Variants in TMEM108 observed in about 807,000 individuals in gnomAD.
TMEM108 encodes the protein cancer/testis antigen 124.
Under a neutral mutation model 35.1 loss-of-function variants are expected in TMEM108, and 12 were observed. That is an observed-to-expected ratio of 0.34 (90% CI 0.22 to 0.55). The LOEUF (loss-of-function observed/expected upper bound fraction) is 0.55. Ranked by LOEUF, TMEM108 falls within the 20% of genes least tolerant of loss-of-function variation. The pLI is 0.89. For synonymous variants in TMEM108, 287 were observed against 308.6 expected (o/e 0.93, Z 0.73); for missense variants, 680 against 753.3 (o/e 0.90, Z 1.14).
rs762224443 is a variant in TMEM108, at chr3:133,380,170, C to T, written c.459C>T (p.Pro153=). 6 of 1,612,698 alleles carry T rather than the reference C, an allele frequency of 3.7e-6. No individual in the cohort carries two copies. The East Asian group carries it at 1.3e-4, about 36-fold the overall frequency. Residue 153 remains proline (P), a synonymous_variant, in exon 4 of 6, where the codon CCC becomes CCT. Transcript: ENST00000321871. This position sits in a 1 kb window ranked among gnomAD's most constrained non-coding sequence, Gnocchi z 5.3. Reference sequence around the variant, plus strand: ...AGCCACCGGGGGCCACCAGCCGCCCCACCACAGCGCCCCCCCGCACTACCA... The same window carrying T: ...AGCCACCGGGGGCCACCAGCCGCCCTACCACAGCGCCCCCCCGCACTACCA... ...LTKPPGATSR[P]TTAPPRTTTR...
At chr3:133,312,278 G>A (rs2071139828) in intron 3 of TMEM108, among the ~76,000 whole-genome samples, 1 of 152,238 alleles carries the variant, frequency 6.6e-6, no homozygotes, top group African/African-American at 2.4e-5. Context: ...CTGTCAGACA[G>A]GGATGTTTAA....
intron 3 of TMEM108, among the ~76,000 whole-genome samples, chr3:133,307,844 C>G (rs1218012254): frequency 6.6e-6 from 1 of 151,892 alleles, no homozygotes; most frequent in Non-Finnish European, 1.5e-5. Context: ...TCTTGGCGGG[C>G]CCTTTTTTGG....
chr3:133,396,732 C>T lies in TMEM108; in HGVS notation c.*746C>T, dbSNP rs1297149551. The T allele has an allele frequency of 6.6e-6, 1 of 152,204 alleles. No individual in the cohort carries two copies. Among genetic ancestry groups the T allele is most frequent in the Non-Finnish European group, 1.5e-5 (1 of 68,040 alleles). The allele number at this position is 152,204 out of a possible 1,614,324, so 9.4% of individuals were successfully genotyped here. Reference sequence around the variant, plus strand: ...CCTGTATCCCCTCCAACACCCACATCTGCATTAAACACCCGTGCCTTTCTC... The same window carrying T: ...CCTGTATCCCCTCCAACACCCACATTTGCATTAAACACCCGTGCCTTTCTC... On this transcript the variant is annotated 3_prime_UTR_variant, in exon 6 of 6. Coordinates refer to ENST00000321871, the MANE Select transcript of TMEM108 (RefSeq NM_023943.4).
At chr3:133,384,234 C>G (rs964480300) in intron 4 of TMEM108, among the ~76,000 whole-genome samples, 1 of 152,204 alleles carries the variant, frequency 6.6e-6, no homozygotes. Context: ...TTCAGGCACT[C>G]TGAGTCAGGA....
chr3:133,256,178 T>C (rs552246071), intron 3 of TMEM108, among the ~76,000 whole-genome samples: 1 of 152,306 alleles, frequency 6.6e-6, no homozygotes, highest in African/African-American at 2.4e-5. Flanking sequence ...AATAATATCT[T>C]TAAAATGCTG....
chr3:133,179,504 T>G (rs1945295712), intron 2 of TMEM108, among the ~76,000 whole-genome samples: 1 of 152,174 alleles, frequency 6.6e-6, no homozygotes, highest in African/African-American at 2.4e-5. Context: ...ATGTCCTTTG[T>G]AGGGACATGG....
intron 2 of TMEM108, among the ~76,000 whole-genome samples, chr3:133,141,236 G>A (rs1944636888): frequency 6.6e-6 from 1 of 152,170 alleles, no homozygotes; most frequent in African/African-American, 2.4e-5. Flanking sequence ...GGTTGAAGCA[G>A]GCCCACAGCT....
chr3:133,214,030 A>G (rs1331320799), intron 2 of TMEM108, among the ~76,000 whole-genome samples: 2 of 152,182 alleles, frequency 1.3e-5, no homozygotes, highest in African/African-American at 2.4e-5. Context: ...GGGAATCACA[A>G]TTAACAGAGA....
At chr3:133,388,689 AACCTTGTACAGAG>A in intron 4 of TMEM108, 1 of 985,458 alleles carries the variant, frequency 1.0e-6, no homozygotes, top group Non-Finnish European at 1.2e-6. Flanking sequence ...CCTATCTCCT[AACCTTGTACAGAG>A]ACCTTTCCAG....
At chr3:133,122,325 T>TA (rs1248359784) in intron 2 of TMEM108, among the ~76,000 whole-genome samples, 2 of 152,204 alleles carry the variant, frequency 1.3e-5, no homozygotes, top group African/African-American at 4.8e-5. Context: ...TACTAATGTC[T>TA]AACACATTTA....
At chr3:133,181,697 G>A (rs1057364105) in intron 2 of TMEM108, among the ~76,000 whole-genome samples, 2 of 152,000 alleles carry the variant, frequency 1.3e-5, no homozygotes, top group African/African-American at 4.8e-5. Context: ...TAAAATTTTA[G>A]CAGACGAGAT....
At chr3:133,224,790 A>G (rs996385365) in intron 2 of TMEM108, among the ~76,000 whole-genome samples, 5 of 152,150 alleles carry the variant, frequency 3.3e-5, no homozygotes, top group Non-Finnish European at 5.9e-5. Context: ...AGACTAATAC[A>G]TATATAGTGT....
At chr3:133,273,696 C>G (rs1251630578) in intron 3 of TMEM108, among the ~76,000 whole-genome samples, 1 of 152,164 alleles carries the variant, frequency 6.6e-6, no homozygotes, top group African/African-American at 2.4e-5. Flanking sequence ...CTCATTAAAT[C>G]AGTTAAATTA....
intron 2 of TMEM108, among the ~76,000 whole-genome samples, chr3:133,144,836 G>A (rs1944693439): frequency 6.6e-6 from 1 of 152,038 alleles, no homozygotes; most frequent in South Asian, 2.1e-4. Flanking sequence ...CTGTAAATTT[G>A]TTTAAGTTCC....
intron 3 of TMEM108, among the ~76,000 whole-genome samples, chr3:133,372,046 G>A (rs1241744351): frequency 2.6e-5 from 4 of 152,210 alleles, no homozygotes; most frequent in Non-Finnish European, 5.9e-5. Context: ...AGTTCTAGGT[G>A]AGAAATGTTT....
chr3:133,167,386 G>A (rs375022088), intron 2 of TMEM108, among the ~76,000 whole-genome samples: 34 of 152,368 alleles, frequency 2.2e-4, no homozygotes, highest in African/African-American at 6.5e-4. Flanking sequence ...TGCCAGTCCC[G>A]CGCTGTGCGC....
chr3:133,386,805 TATCAACTTGAAGATCATCAAGACC>T (rs2073158359), intron 4 of TMEM108: 1 of 803,214 alleles, frequency 1.2e-6, no homozygotes, highest in Non-Finnish European at 1.5e-6. Context: ...GGATAGTGGA[TATCAACTTGAAGATCATCAAGACC>T]TGGACTCAAG....
At chr3:133,374,688 T>C (rs1312130456) in intron 3 of TMEM108, among the ~76,000 whole-genome samples, 1 of 152,112 alleles carries the variant, frequency 6.6e-6, no homozygotes, top group Non-Finnish European at 1.5e-5. Flanking sequence ...CTTCCAGTCC[T>C]TTTATTGTAC....
chr3:133,353,605 G>T (rs1415432187), intron 3 of TMEM108, among the ~76,000 whole-genome samples: 1 of 152,166 alleles, frequency 6.6e-6, no homozygotes, highest in Non-Finnish European at 1.5e-5. Context: ...ACTTGAAGTG[G>T]GTGTATGGTC....
Sources: gnomAD v4.1 joint callset for allele counts (sites outside exome capture counted in the v4.1 genomes callset) on GRCh38, gnomAD v4.1.1 for gene constraint, Gnocchi (gnomAD v3.1) non-coding constraint, MANE v1.5 for transcripts, NCBI Gene and HGNC (gene_info 2026-07-23, HGNC 2026-07-21) for gene names.